Variants in XIAP observed in about 807,000 individuals in gnomAD.
The protein encoded by XIAP is E3 ubiquitin-protein ligase XIAP.
XIAP carries 3 observed loss-of-function variants against 33.1 expected under a neutral mutation model. The observed-to-expected ratio is 0.09, with a 90% CI of 0.04 to 0.23. XIAP has a LOEUF of 0.23. Ranked by LOEUF, XIAP falls within the 10% of genes least tolerant of loss-of-function variation. XIAP has a pLI of 1.00. For missense variants in XIAP, 264 were observed against 363.0 expected (o/e 0.73, Z 2.22); for synonymous variants, 98 against 121.3 (o/e 0.81, Z 1.26).
intron 1 of XIAP, among the ~76,000 whole-genome samples, chrX:123,873,626 A>G (rs1244392564): frequency 9.1e-6 from 1 of 109,969 alleles, no homozygotes; most frequent in Admixed American, 9.7e-5. Flanking sequence ...TGTCTCTACT[A>G]AAAATACAAA....
At chrX:123,877,965 C>T (rs1448413830) in intron 1 of XIAP, among the ~76,000 whole-genome samples, 5 of 85,806 alleles carry the variant, frequency 5.8e-5, no homozygotes, top group Admixed American at 1.3e-4. Flanking sequence ...GAGACTCCGT[C>T]TCAAAGAAAA....
intron 2 of XIAP, among the ~76,000 whole-genome samples, chrX:123,886,981 G>A (rs770168316): frequency 5.4e-5 from 6 of 111,918 alleles, no homozygotes; most frequent in Non-Finnish European, 1.1e-4. Flanking sequence ...GTGCAATGGC[G>A]TGATTTAGGC....
chrX:123,864,840 C>CGTGTGT (rs113811825), intron 1 of XIAP, among the ~76,000 whole-genome samples: 2 of 71,873 alleles, frequency 2.8e-5, no homozygotes, highest in African/African-American at 1.0e-4. Context: ...AGGGTTTCAC[C>CGTGTGT]GTGTGTGTGT....
At chrX:123,871,194 G>A (rs910315299) in intron 1 of XIAP, among the ~76,000 whole-genome samples, 41 of 110,173 alleles carry the variant, frequency 3.7e-4, no homozygotes, top group Non-Finnish European at 6.1e-4. Flanking sequence ...ACCCACCTCA[G>A]CCTCCCAAAG....
rs1170373846 is a variant in XIAP at position 123,909,529 on chromosome X, A to C, written c.*2348A>C. 1 of 327,182 alleles carries C rather than the reference A, an allele frequency of 3.1e-6. No homozygotes were observed. The highest frequency in any genetic ancestry group is 3.2e-5 in the Admixed American group (1 of 31,725). 27.0% of individuals were successfully genotyped at this position (327,182 alleles called of 1,213,427 possible). A position where few individuals can be genotyped will look rare whatever the true frequency, so the allele number is the denominator to read the frequency against. ...TCTACAAGGGGAGAAAAGTGTTAAA[A>C]TTTTTAAAATATGTTTTCCAGGACA... is the stretch of plus-strand genomic sequence containing the variant. On this transcript the variant is annotated 3_prime_UTR_variant, in exon 7 of 7. Transcript: ENST00000371199.
chrX:123,886,292 G>C lies in XIAP; in HGVS notation c.630G>C (p.Trp210Cys). The C allele has an allele frequency of 8.3e-7, 1 of 1,211,798 alleles. No homozygotes were observed. The highest frequency in any genetic ancestry group is 1.1e-6 in the Non-Finnish European group (1 of 895,597). ...CFCCGGKLKN[W>C]EPCDRAWSEH... ...GTTGTGGTGGAAAACTGAAAAATTG[G>C]GAACCTTGTGATCGTGCCTGGTCAG... is the stretch of plus-strand genomic sequence containing the variant. Residue 210 changes from tryptophan to cysteine, a missense_variant, in exon 2 of 7, where the codon TGG (tryptophan) becomes TGC (cysteine). Trp to Cys is a radical substitution (Grantham distance 215). Transcript: ENST00000371199.
intron 6 of XIAP, 130 bp from the exon 7 acceptor site, chrX:123,906,858 G>A (rs751119985): frequency 5.7e-4 from 422 of 736,917 alleles, no homozygotes; most frequent in Non-Finnish European, 7.4e-4. Context: ...GATGCCACGG[G>A]TGAGTCATCC....
intron 1 of XIAP, among the ~76,000 whole-genome samples, chrX:123,863,818 G>A (rs1444178862): frequency 1.8e-5 from 2 of 111,271 alleles, no homozygotes; most frequent in Non-Finnish European, 3.8e-5. Context: ...TTTAGAAATA[G>A]ATTAAGACTC....
chrX:123,871,792 G>T (rs1290237534), intron 1 of XIAP, among the ~76,000 whole-genome samples: 1 of 110,667 alleles, frequency 9.0e-6, no homozygotes, highest in Non-Finnish European at 1.9e-5. Flanking sequence ...AACAATTTTT[G>T]CTCGTGAGTG....
chrX:123,866,596 ATATAT>A (rs747565840), intron 1 of XIAP, among the ~76,000 whole-genome samples: 115 of 102,905 alleles, frequency 1.1e-3, no homozygotes, highest in South Asian at 2.7e-3. Context: ...TACATGTATA[ATATAT>A]TATATATAAT....
At position 123,913,482 on chromosome X, in the gene XIAP, A is replaced by G. The variant is rs929078831; in HGVS notation, c.*6301A>G. ...GAGACTCCCTCTCAAAAACAAAACA[A>G]AACAAAAAAATTAGACAAATGCTAC... On this transcript the variant is annotated 3_prime_UTR_variant, in exon 7 of 7. Coordinates refer to ENST00000371199, the MANE Select transcript of XIAP (RefSeq NM_001167.4). 1 of 327,425 alleles carries G rather than the reference A, an allele frequency of 3.1e-6. No homozygotes were observed. The allele number at this position is 327,425 out of a possible 1,213,427, so 27.0% of individuals were successfully genotyped here.
chrX:123,865,498 C>T (rs767803425), intron 1 of XIAP, among the ~76,000 whole-genome samples: 33 of 108,586 alleles, frequency 3.0e-4, no homozygotes, highest in Admixed American at 1.2e-3. Flanking sequence ...GAGACTGAGG[C>T]GGGCGGATCA....
At position 123,907,278 on chromosome X, in the gene XIAP, C is replaced by T; in HGVS notation, c.*97C>T. On this transcript the variant is annotated 3_prime_UTR_variant, in exon 7 of 7. Transcript: ENST00000371199. ...AGTAATCAGGATTGAATTCCATTAG[C>T]ATTTGCTACCAAGTAGGAAAAAAAA... 2 of 793,759 alleles carry T rather than the reference C, an allele frequency of 2.5e-6. No individual in the cohort carries two copies. The highest frequency in any genetic ancestry group is 3.8e-6 in the Non-Finnish European group (2 of 531,661). 65.4% of individuals were successfully genotyped at this position (793,759 alleles called of 1,213,427 possible).
chrX:123,904,661 G>A (rs1264759721), intron 6 of XIAP, among the ~76,000 whole-genome samples: 7 of 111,733 alleles, frequency 6.3e-5, no homozygotes, highest in South Asian at 3.7e-4. Context: ...TCGCTCTGTC[G>A]CCCAGGCTGG....
intron 6 of XIAP, among the ~76,000 whole-genome samples, chrX:123,905,108 C>T (rs182598702): frequency 8.1e-5 from 9 of 111,548 alleles, no homozygotes; most frequent in African/African-American, 2.9e-4. Context: ...CAATCCTTTC[C>T]TCTACCCCCT....
At chrX:123,898,929 G>A (rs1344531189) in intron 5 of XIAP, among the ~76,000 whole-genome samples, 1 of 103,308 alleles carries the variant, frequency 9.7e-6, no homozygotes, top group Non-Finnish European at 2.0e-5. Context: ...GAGCAGCCTG[G>A]CCAATATAGT....
At chrX:123,860,030 C>G, upstream of XIAP, 1 of 321,490 alleles carries the variant, frequency 3.1e-6, no homozygotes, top group Admixed American at 3.1e-5. Context: ...GGGAGACTGA[C>G]GGACCGCGCC....
At chrX:123,878,654 A>G (rs1046732696) in intron 1 of XIAP, 2 of 112,983 alleles carry the variant, frequency 1.8e-5, no homozygotes, top group African/African-American at 6.5e-5. Context: ...TTCAAATTCT[A>G]TGTTTGTACT....
At chrX:123,874,384 G>C (rs2053222818) in intron 1 of XIAP, 1 of 111,891 alleles carries the variant, frequency 8.9e-6, no homozygotes, top group South Asian at 3.6e-4. Context: ...TTATATATCT[G>C]TATTTTTTAT....
Sources: allele counts gnomAD v4.1 joint callset (sites outside exome capture counted in the v4.1 genomes callset), GRCh38; gene constraint gnomAD v4.1.1; transcripts MANE v1.5; gene names NCBI Gene and HGNC (gene_info 2026-07-23, HGNC 2026-07-21).